The following RNF135 variants were observed in gnomAD, a reference collection of about 807,000 sequenced individuals.
RNF135 encodes ring finger protein 135, also known as E3 ubiquitin-protein ligase RNF135.
A neutral mutation model predicts 41.9 loss-of-function variants in RNF135; 46 were observed. That is an observed-to-expected ratio of 1.10 (90% confidence interval 0.87 to 1.40). RNF135 has a LOEUF of 1.40. Ranked by LOEUF, RNF135 falls within the 40% of genes most tolerant of loss-of-function variation. The probability of loss-of-function intolerance (pLI) is 0.00; values close to 1 mark genes in which losing one functional copy is unlikely to be tolerated. For missense variants in RNF135, 539 were observed against 549.8 expected, an observed-to-expected ratio of 0.98 and a Z score of 0.20; for synonymous variants, 238 against 223.8, an observed-to-expected ratio of 1.06 and a Z score of -0.57.
intron 2 of RNF135, among the ~76,000 whole-genome samples, chr17:30,986,882 T>C (rs759005516): frequency 3.3e-5 from 5 of 152,228 alleles, no homozygotes; most frequent in Admixed American, 2.6e-4. Flanking sequence ...AATTTCATCT[T>C]CTTTTGTAAA....
In RNF135 at chr17:30,991,310, CCAAGA is replaced by C. The variant is rs1387102900; in HGVS notation, c.679+3206_679+3210del. On this transcript the variant is annotated intron_variant, in intron 3 of 4. Coordinates refer to ENST00000328381, the MANE Select transcript of RNF135 (RefSeq NM_032322.4). ...CCCGGGAGGCAGAGGTTGTAGTGAG[CCAAGA>C]CCGTGCCATTGTCCTCCAGCCTGGG... 2.0e-5 allele frequency among the ~76,000 whole-genome samples: 3 copies of C among 151,904 alleles called. No individual in the cohort carries two copies. The East Asian group carries it at 5.8e-4, about 29-fold the overall frequency.
chr17:30,969,580 G>A (rs889828352), upstream of RNF135, among the ~76,000 whole-genome samples: 1 of 152,120 alleles, frequency 6.6e-6, no homozygotes, highest in Non-Finnish European at 1.5e-5. Flanking sequence ...TAAAGCTGGT[G>A]GGAAGTAACA....
At chr17:30,997,123 G>C (rs1315199008) in intron 3 of RNF135, 119 bp from the exon 4 acceptor site, 1 of 790,778 alleles carries the variant, frequency 1.3e-6, no homozygotes, top group African/African-American at 1.7e-5. Flanking sequence ...TCCTGACACT[G>C]AAAAATGTGT....
At chr17:30,979,931 G>A (rs1273938879) in intron 1 of RNF135, among the ~76,000 whole-genome samples, 11 of 112,844 alleles carry the variant, frequency 9.7e-5, no homozygotes, top group Admixed American at 7.8e-4. Flanking sequence ...CAGTAGGGGC[G>A]GCCGGGCAGA....
chr17:30,991,934 A>ATT (rs369208967), intron 3 of RNF135, among the ~76,000 whole-genome samples: 24 of 140,154 alleles, frequency 1.7e-4, no homozygotes, highest in Middle Eastern at 3.7e-3. Context: ...AATTTATGTA[A>ATT]TTTTTTTTTT....
At chr17:30,986,481 C>T (rs1907600286) in intron 2 of RNF135, among the ~76,000 whole-genome samples, 1 of 152,228 alleles carries the variant, frequency 6.6e-6, no homozygotes, top group Non-Finnish European at 1.5e-5. Context: ...AGGCGTGCGC[C>T]ACATTGCCTG....
intron 1 of RNF135, among the ~76,000 whole-genome samples, chr17:30,979,937 G>T (rs1468500383): frequency 9.4e-6 from 1 of 106,584 alleles, no homozygotes; most frequent in Non-Finnish European, 2.0e-5. Flanking sequence ...GGGCGGCCGG[G>T]CAGAGGCGCC....
rs1269324784 is a variant in RNF135, at chr17:30,999,326, C to T, written c.*135C>T. On this transcript the variant is annotated 3_prime_UTR_variant, in exon 5 of 5. Coordinates refer to ENST00000328381, the MANE Select transcript of RNF135 (RefSeq NM_032322.4). ...ATGGGATCTCACTAGGTTGCCCAGG[C>T]TGGTGTCGAATTCCTGGTCTCAAGC... The T allele has an allele frequency of 4.0e-6, 4 of 996,504 alleles. No homozygotes were observed. 61.7% of individuals were successfully genotyped at this position (996,504 alleles called of 1,614,324 possible).
upstream of RNF135, chr17:30,970,577 G>A (rs7219775): frequency 0.19 from 29,935 of 160,710 alleles, 9,226 homozygotes; most frequent in African/African-American, 0.66. Context: ...GCTCCCTGTG[G>A]CTGTGCATCG....
intron 1 of RNF135, among the ~76,000 whole-genome samples, chr17:30,979,663 G>C (rs1242808519): frequency 2.6e-4 from 32 of 125,132 alleles, no homozygotes; most frequent in African/African-American, 9.4e-4. Context: ...GCGGGGGGCT[G>C]ATCCCCCCCA....
intron 1 of RNF135, among the ~76,000 whole-genome samples, chr17:30,975,056 AAGCAGGAGGATTGCTTGAGCCCAGG>A (rs1280841992): frequency 6.6e-6 from 1 of 151,978 alleles, no homozygotes; most frequent in East Asian, 1.9e-4. Context: ...TGGGAGGCAG[AAGCAGGAGGATTGCTTGAGCCCAGG>A]AGTTCAAGAC....
At chr17:30,983,810 G>A (rs547869455) in intron 1 of RNF135, among the ~76,000 whole-genome samples, 2 of 151,804 alleles carry the variant, frequency 1.3e-5, no homozygotes, top group South Asian at 2.1e-4. Context: ...GTGTGAGGTG[G>A]TATCTCACTG....
At chr17:30,968,004 C>T (rs943944856), upstream of RNF135, among the ~76,000 whole-genome samples, 6 of 152,024 alleles carry the variant, frequency 3.9e-5, no homozygotes, top group African/African-American at 1.4e-4. Context: ...AGCGCGGTGG[C>T]TCACCTCTGT....
chr17:30,971,853 G>C, intron 1 of RNF135: 1 of 388,794 alleles, frequency 2.6e-6, no homozygotes, highest in South Asian at 7.5e-5. Context: ...AATGGCGTGC[G>C]TGATCTCGGC....
chr17:30,964,057 C>T, the RNF135 span, among the ~76,000 whole-genome samples: 1 of 151,966 alleles, frequency 6.6e-6, no homozygotes, highest in African/African-American at 2.4e-5. Context: ...TGATCTCTTC[C>T]GTCCCTTGAC....
chr17:30,988,163 A>G, intron 3 of RNF135, 57 bp downstream of exon 3: 1 of 1,525,996 alleles, frequency 6.6e-7, no homozygotes, highest in Non-Finnish European at 9.1e-7. Context: ...GGGGAGTAGC[A>G]GAGTGCTCTA....
chr17:30,970,602 C>T (rs943810518), upstream of RNF135: 5 of 170,670 alleles, frequency 2.9e-5, no homozygotes, highest in Non-Finnish European at 3.7e-5. Context: ...TCTTTAATCC[C>T]CTGCTACTTG....
At chr17:30,988,982 T>C (rs1907806642) in intron 3 of RNF135, among the ~76,000 whole-genome samples, 1 of 139,938 alleles carries the variant, frequency 7.1e-6, no homozygotes, top group East Asian at 2.3e-4. Context: ...GACAGACTGG[T>C]CTCAAACTCC....
At position 30,984,603 on chromosome 17, in the gene RNF135, TTGCTA is replaced by T; in HGVS notation, c.373-12_373-8del. On this transcript the variant is annotated splice_polypyrimidine_tract_variant and intron_variant, in intron 1 of 4. Transcript: ENST00000328381. ...TTTTATAGAACCCAGGACCTGAACTTTGCTATTTTGAAGGTGGCAGTAGAGAAGAG... is the reference window on the plus strand; with the variant it reads ...TTTTATAGAACCCAGGACCTGAACTTTTTTGAAGGTGGCAGTAGAGAAGAG... 1 of 1,614,134 alleles carries T rather than the reference TTGCTA, an allele frequency of 6.2e-7. No homozygotes were observed. The highest frequency in any genetic ancestry group is 8.5e-7 in the Non-Finnish European group (1 of 1,180,020).
Sources: gnomAD v4.1 joint callset for allele counts (sites outside exome capture counted in the v4.1 genomes callset) on GRCh38, gnomAD v4.1.1 for gene constraint, MANE v1.5 for transcripts, NCBI Gene and HGNC (gene_info 2026-07-23, HGNC 2026-07-21) for gene names.